HCN1: variants seen among roughly 807,000 people sequenced by gnomAD.
HCN1 encodes potassium/sodium hyperpolarization-activated cyclic nucleotide-gated channel 1.
HCN1 carries 13 observed loss-of-function variants against 78.9 expected under a neutral mutation model. The observed-to-expected ratio is 0.16, with a 90% CI of 0.11 to 0.26. HCN1 has a LOEUF of 0.26. HCN1 is among the 10% of genes least tolerant of loss of function. The probability of loss-of-function intolerance (pLI) is 1.00; values close to 1 mark genes in which losing one functional copy is unlikely to be tolerated. For synonymous variants in HCN1, 552 were observed against 455.5 expected (o/e 1.21, Z -2.70); for missense variants, 810 against 1,154.3 (o/e 0.70, Z 4.32).
intron 3 of HCN1, among the ~76,000 whole-genome samples, chr5:45,401,885 G>A (rs1394225733): frequency 1.3e-5 from 2 of 151,416 alleles, no homozygotes; most frequent in Non-Finnish European, 2.9e-5. Context: ...AATTAAACAA[G>A]GTTTAATTAA....
chr5:45,540,797 T>A (rs1382068384), intron 2 of HCN1, among the ~76,000 whole-genome samples: 3 of 152,186 alleles, frequency 2.0e-5, no homozygotes, highest in African/African-American at 4.8e-5. Context: ...ATTTTAACAA[T>A]CTGATAATAA....
intron 2 of HCN1, chr5:45,560,078 A>G (rs754337862): frequency 2.0e-5 from 3 of 152,180 alleles, no homozygotes; most frequent in Non-Finnish European, 2.9e-5. Context: ...ATATTAGCAC[A>G]TAGTTTATAG....
At chr5:45,451,382 G>A (rs1231816805) in intron 3 of HCN1, among the ~76,000 whole-genome samples, 1 of 152,048 alleles carries the variant, frequency 6.6e-6, no homozygotes, top group Admixed American at 6.6e-5. Context: ...CCCCTCAGGA[G>A]AATGATTTCC....
At chr5:45,652,147 A>C in intron 1 of HCN1, among the ~76,000 whole-genome samples, 1 of 151,964 alleles carries the variant, frequency 6.6e-6, no homozygotes, top group East Asian at 1.9e-4. Flanking sequence ...TAAGTTGTGT[A>C]CCAATCCAAG....
intron 2 of HCN1, among the ~76,000 whole-genome samples, chr5:45,468,175 T>G (rs1368075186): frequency 1.3e-5 from 2 of 152,170 alleles, no homozygotes; most frequent in Non-Finnish European, 2.9e-5. Flanking sequence ...TTAAGAAGTC[T>G]TTCTTCTGAG....
chr5:45,346,070 C>G lies in HCN1; in HGVS notation c.1377+7030G>C, dbSNP rs143926854. On this transcript the variant is annotated intron_variant, in intron 5 of 7. Coordinates refer to ENST00000303230, the MANE Select transcript of HCN1 (RefSeq NM_021072.4). ...GCTTGGTGGCAGAAAGAAGAAGTAT[C>G]GACCAAAAGGGATAAAAGCACCTTT... Among the ~76,000 whole-genome samples the G allele has an allele frequency of 2.0e-5, 3 of 152,262 alleles. No homozygotes were observed. In the East Asian group the frequency reaches 5.8e-4, roughly 29 times the overall value.
At chr5:45,321,702 C>A (rs534934470) in intron 5 of HCN1, among the ~76,000 whole-genome samples, 1 of 151,372 alleles carries the variant, frequency 6.6e-6, no homozygotes. Context: ...TACACACATA[C>A]GTATTTTTAT....
At chr5:45,594,006 T>C (rs548152737) in intron 2 of HCN1, among the ~76,000 whole-genome samples, 21 of 152,246 alleles carry the variant, frequency 1.4e-4, no homozygotes, top group Non-Finnish European at 2.8e-4. Context: ...AGAGTACTGC[T>C]GTTCTTCTCT....
At chr5:45,469,784 A>AGTGTGTGTGTGT (rs148412684) in intron 2 of HCN1, among the ~76,000 whole-genome samples, 1 of 148,656 alleles carries the variant, frequency 6.7e-6, no homozygotes, top group African/African-American at 2.5e-5. Context: ...ATTATAAAGG[A>AGTGTGTGTGTGT]GTGTGTGTGT....
chr5:45,289,951 C>T (rs188218544), intron 6 of HCN1, among the ~76,000 whole-genome samples: 19 of 152,006 alleles, frequency 1.2e-4, no homozygotes, highest in African/African-American at 4.6e-4. Flanking sequence ...TATATTGGGG[C>T]ATGATATGGT....
chr5:45,553,189 A>T (rs968719812), intron 2 of HCN1, among the ~76,000 whole-genome samples: 1 of 151,938 alleles, frequency 6.6e-6, no homozygotes, highest in Non-Finnish European at 1.5e-5. Context: ...TATCACAGGA[A>T]CGGTGACTGG....
intron 1 of HCN1, among the ~76,000 whole-genome samples, chr5:45,672,683 A>T (rs1473978182): frequency 6.6e-6 from 1 of 151,482 alleles, no homozygotes; most frequent in African/African-American, 2.4e-5. Flanking sequence ...GTCATAAAAA[A>T]TAAGAAAAAA....
chr5:45,288,659 T>C (rs1177578572), intron 6 of HCN1, among the ~76,000 whole-genome samples: 1 of 151,988 alleles, frequency 6.6e-6, no homozygotes, highest in Non-Finnish European at 1.5e-5. Context: ...AGTAAATTAA[T>C]TTGCAATATT....
intron 1 of HCN1, among the ~76,000 whole-genome samples, chr5:45,662,822 G>T (rs1360123120): frequency 3.5e-4 from 3 of 8,600 alleles, no homozygotes; most frequent in Non-Finnish European, 4.9e-4. Context: ...CAAACAAATG[G>T]AAGAACATTC....
At chr5:45,505,480 T>C (rs1262472097) in intron 2 of HCN1, among the ~76,000 whole-genome samples, 1 of 152,184 alleles carries the variant, frequency 6.6e-6, no homozygotes, top group Non-Finnish European at 1.5e-5. Context: ...TTGGTACCAG[T>C]AACATGCCGT....
intron 1 of HCN1, among the ~76,000 whole-genome samples, chr5:45,673,942 C>T (rs1580042240): frequency 1.3e-5 from 2 of 151,210 alleles, no homozygotes. Flanking sequence ...AAATAATTTC[C>T]CATTGTTAAT....
chr5:45,645,122 G>A, intron 2 of HCN1, 63 bp downstream of exon 2: 1 of 1,271,220 alleles, frequency 7.9e-7, no homozygotes, highest in South Asian at 1.2e-5. Flanking sequence ...GTTGTTCATT[G>A]TAAAACAGCC....
At chr5:45,660,870 C>T (rs1209672269) in intron 1 of HCN1, among the ~76,000 whole-genome samples, 1 of 118,610 alleles carries the variant, frequency 8.4e-6, no homozygotes, top group African/African-American at 3.3e-5. Context: ...CTTTAACACC[C>T]CACTGTCAAC....
intron 3 of HCN1, among the ~76,000 whole-genome samples, chr5:45,451,325 G>GA (rs1304564466): frequency 1.3e-5 from 2 of 152,150 alleles, no homozygotes; most frequent in African/African-American, 4.8e-5. Context: ...AATCAGAACA[G>GA]AAAAATATAG....
Sources: allele counts gnomAD v4.1 joint callset (sites outside exome capture counted in the v4.1 genomes callset), GRCh38; gene constraint gnomAD v4.1.1; transcripts MANE v1.5; gene names NCBI Gene and HGNC (gene_info 2026-07-23, HGNC 2026-07-21).